SMOC2: variants seen among roughly 807,000 people sequenced by gnomAD.
SMOC2 encodes SPARC-related modular calcium-binding protein 2.
Under a neutral mutation model 61.4 loss-of-function variants are expected in SMOC2, and 39 were observed. That is an observed-to-expected ratio of 0.64 (90% CI 0.49 to 0.83). SMOC2 has a LOEUF of 0.83. SMOC2 is among the 40% of genes least tolerant of loss of function. SMOC2 has a pLI of 0.00. For synonymous variants in SMOC2, 247 were observed against 239.9 expected, an observed-to-expected ratio of 1.03 and a Z score of -0.27; for missense variants, 556 against 592.9, an observed-to-expected ratio of 0.94 and a Z score of 0.65.
At chr6:168,619,857 A>G (rs1052350995) in intron 9 of SMOC2, among the ~76,000 whole-genome samples, 1 of 152,196 alleles carries the variant, frequency 6.6e-6, no homozygotes, top group African/African-American at 2.4e-5. Context: ...AGTGCCTGCC[A>G]TGGTTAGAAA....
At chr6:168,659,703 G>T (rs1787443952) in intron 11 of SMOC2, among the ~76,000 whole-genome samples, 1 of 150,748 alleles carries the variant, frequency 6.6e-6, no homozygotes. Context: ...GGTGAGGGTG[G>T]AGGTTGTAGG....
intron 9 of SMOC2, among the ~76,000 whole-genome samples, chr6:168,638,569 C>T (rs1168544866): frequency 6.6e-6 from 1 of 152,170 alleles, no homozygotes; most frequent in African/African-American, 2.4e-5. Context: ...CACAGGGCTC[C>T]CGCTCAGAGA....
At chr6:168,573,532 G>T (rs963976349) in intron 7 of SMOC2, among the ~76,000 whole-genome samples, 1 of 152,180 alleles carries the variant, frequency 6.6e-6, no homozygotes, top group South Asian at 2.1e-4. Flanking sequence ...GTCCCTCTGT[G>T]TCTGTGTGTC....
At chr6:168,569,658 G>T (rs1784621555) in intron 7 of SMOC2, among the ~76,000 whole-genome samples, 1 of 152,132 alleles carries the variant, frequency 6.6e-6, no homozygotes, top group African/African-American at 2.4e-5. Flanking sequence ...TGCCCAGGGT[G>T]GTCCCCAACT....
At chr6:168,484,558 G>T (rs1782286277) in intron 1 of SMOC2, among the ~76,000 whole-genome samples, 1 of 152,116 alleles carries the variant, frequency 6.6e-6, no homozygotes, top group Non-Finnish European at 1.5e-5. Context: ...TTAGAAATAG[G>T]ATTACTGTAT....
chr6:168,630,176 G>T (rs992401566), intron 9 of SMOC2, among the ~76,000 whole-genome samples: 1 of 152,172 alleles, frequency 6.6e-6, no homozygotes, highest in East Asian at 1.9e-4. Flanking sequence ...GTAGAAAGAA[G>T]ACAGGCCCTC....
chr6:168,662,231 G>C (rs541246421), intron 11 of SMOC2, among the ~76,000 whole-genome samples: 1 of 152,316 alleles, frequency 6.6e-6, no homozygotes, highest in South Asian at 2.1e-4. Context: ...TCTCTTTAAG[G>C]CTTATACTTT....
rs199796090 is a variant in SMOC2, at chr6:168,599,284, CCA to C, written c.824+291_824+292del. On this transcript the variant is annotated intron_variant, in intron 8 of 12. Transcript: ENST00000356284. ...CACACACACCCACGCTCTCACACACCCACACACACACATACCACACACACACC... is the reference window on the plus strand; with the variant it reads ...CACACACACCCACGCTCTCACACACCCACACACACATACCACACACACACC... 1.2e-3 allele frequency among the ~76,000 whole-genome samples: 128 copies of C among 111,068 alleles called. 1 individual carries two copies. Among genetic ancestry groups the C allele is most frequent in the Non-Finnish European group, 1.6e-3 (85 of 53,896 alleles). The allele number at this position is 111,068 out of a possible 152,430, so 72.9% of individuals were successfully genotyped here.
rs551143832 is a variant in SMOC2, at chr6:168,450,527, A to G, written c.84+9073A>G. On this transcript the variant is annotated intron_variant, in intron 1 of 12. Coordinates refer to ENST00000356284, the MANE Select transcript of SMOC2 (RefSeq NM_001166412.2). ...CAGTCCTTCTCTTCCCTGTTCCTCT[A>G]CCCCTTTCTTCTCAGGCCCTGGGTT... Among the ~76,000 whole-genome samples, 4 of 151,954 alleles carry G rather than the reference A, an allele frequency of 2.6e-5. No homozygotes were observed. In the South Asian group the frequency reaches 6.2e-4, roughly 24 times the overall value.
At chr6:168,615,311 C>CAT (rs1394043608) in intron 9 of SMOC2, among the ~76,000 whole-genome samples, 1 of 63,574 alleles carries the variant, frequency 1.6e-5, no homozygotes. Context: ...ACAGCCAGCA[C>CAT]GGGGCCTCTT....
At chr6:168,642,277 G>A (rs1363082987) in intron 9 of SMOC2, among the ~76,000 whole-genome samples, 3 of 152,200 alleles carry the variant, frequency 2.0e-5, no homozygotes, top group Non-Finnish European at 2.9e-5. Context: ...CACAGAACCA[G>A]CCGGATTGGC....
At chr6:168,495,590 T>C (rs1415099241) in intron 1 of SMOC2, among the ~76,000 whole-genome samples, 4 of 152,164 alleles carry the variant, frequency 2.6e-5, no homozygotes, top group Non-Finnish European at 5.9e-5. Context: ...GGGAAGCGTT[T>C]GGTGAAACTT....
chr6:168,519,025 ATGTG>A (rs58442234), intron 2 of SMOC2, among the ~76,000 whole-genome samples: 4 of 76,250 alleles, frequency 5.2e-5, no homozygotes, highest in Admixed American at 1.1e-4. Flanking sequence ...GCATGCGAAC[ATGTG>A]TGTGTATGTG....
chr6:168,552,453 A>C (rs116731271), intron 7 of SMOC2, among the ~76,000 whole-genome samples: 2,251 of 152,252 alleles, frequency 0.015, 71 homozygotes, highest in African/African-American at 0.052. Flanking sequence ...GGCCAAACTG[A>C]AAATGCATTG....
At chr6:168,651,340 C>T (rs939612976) in intron 10 of SMOC2, among the ~76,000 whole-genome samples, 1 of 152,126 alleles carries the variant, frequency 6.6e-6, no homozygotes, top group African/African-American at 2.4e-5. Flanking sequence ...CATTCCCGCA[C>T]TCCTGGACCT....
At position 168,487,710 on chromosome 6, in the gene SMOC2, C is replaced by T. The variant is rs141858823; in HGVS notation, c.85-22205C>T. On this transcript the variant is annotated intron_variant, in intron 1 of 12. Transcript: ENST00000356284. ...TAGAGATGGGGCTTCACCATGTTGGCCAGGGTGGTCTCAAACTCCTGACTT... is the reference window on the plus strand; with the variant it reads ...TAGAGATGGGGCTTCACCATGTTGGTCAGGGTGGTCTCAAACTCCTGACTT... Among the ~76,000 whole-genome samples the T allele has an allele frequency of 5.8e-3, 885 of 152,124 alleles. 8 individuals carry two copies. The highest frequency in any genetic ancestry group is 0.02 in the African/African-American group (839 of 41,488).
chr6:168,479,730 C>A (rs1164847201), intron 1 of SMOC2, among the ~76,000 whole-genome samples: 1 of 152,172 alleles, frequency 6.6e-6, no homozygotes, highest in Non-Finnish European at 1.5e-5. Context: ...GGAAGCTGTG[C>A]TGTGAATGTT....
Position 168,619,402 on chromosome 6 carries a change from G to T in SMOC2, c.907+11163G>T, listed in dbSNP as rs902377295. Among the ~76,000 whole-genome samples the T allele has an allele frequency of 2.6e-5, 4 of 152,322 alleles. No homozygotes were observed. In the East Asian group the frequency reaches 7.7e-4, roughly 29 times the overall value. ...ATTTCAGAGACAATTTAAATAACTT[G>T]AGAACAAACTGGTCTCCAACACTAT... On this transcript the variant is annotated intron_variant, in intron 9 of 12. Transcript: ENST00000356284.
chr6:168,580,698 C>A (rs188825180), intron 7 of SMOC2, among the ~76,000 whole-genome samples: 118 of 152,244 alleles, frequency 7.8e-4, no homozygotes, highest in Non-Finnish European at 4.3e-4. Context: ...CAGATCACCA[C>A]ATCTGGCTGA....
Sources: gnomAD v4.1 joint callset for allele counts (sites outside exome capture counted in the v4.1 genomes callset) on GRCh38, gnomAD v4.1.1 for gene constraint, MANE v1.5 for transcripts, NCBI Gene and HGNC (gene_info 2026-07-23, HGNC 2026-07-21) for gene names.